The following SLC30A3 variants were observed in gnomAD, a reference collection of about 807,000 sequenced individuals.
The protein encoded by SLC30A3 is probable proton-coupled zinc antiporter SLC30A3.
SLC30A3 carries 20 observed loss-of-function variants against 35.6 expected under a neutral mutation model. The observed-to-expected ratio is 0.56, with a 90% CI of 0.39 to 0.82. The LOEUF is 0.82. Ranked by LOEUF, SLC30A3 falls within the 40% of genes least tolerant of loss-of-function variation. The pLI, the probability that SLC30A3 is intolerant of heterozygous loss-of-function variation, is 0.00. For missense variants in SLC30A3, 401 were observed against 530.6 expected (o/e 0.76, Z 2.40); for synonymous variants, 217 against 224.7 (o/e 0.97, Z 0.31).
At chr2:27,263,585 T>A, upstream of SLC30A3, 1 of 283,892 alleles carries the variant, frequency 3.5e-6, no homozygotes, top group Non-Finnish European at 7.3e-6. Flanking sequence ...TGCCAATCAC[T>A]GTACCGCGAA....
rs767531099 is a variant in SLC30A3, at chr2:27,256,775, G to A, written c.883+13C>T. On this transcript the variant is annotated intron_variant, in intron 6 of 7. Coordinates refer to ENST00000233535, the MANE Select transcript of SLC30A3 (RefSeq NM_003459.5). ...AGGGCCACAGGGATGGGGAGCTGTG[G>A]TGCCCGACTCACCTTCCATGAGGAT... The A allele has an allele frequency of 2.5e-6, 4 of 1,571,790 alleles. No homozygotes were observed. The highest frequency in any genetic ancestry group is 1.4e-5 in the African/African-American group (1 of 73,192).
chr2:27,275,239 G>C (rs969955449), exon 1 of SLC30A3: 1 of 1,303,528 alleles, frequency 7.7e-7, no homozygotes, highest in South Asian at 1.2e-5. Flanking sequence ...CCATCAAGAT[G>C]GGTGGTGCCC....
rs1676712194 is a variant in SLC30A3 at position 27,253,999 on chromosome 2, A to G, written c.*1313T>C. The G allele has an allele frequency of 6.6e-6, 1 of 152,188 alleles. No homozygotes were observed. Among genetic ancestry groups the G allele is most frequent in the Non-Finnish European group, 1.5e-5 (1 of 68,030 alleles). The allele number at this position is 152,188 out of a possible 1,614,324, so 9.4% of individuals were successfully genotyped here. ...ATTTTTTTTAAAGAGAAAATCAACA[A>G]TCCCTTAATGAGCCTGATTTTAAGA... On this transcript the variant is annotated 3_prime_UTR_variant, in exon 8 of 8. Transcript: ENST00000233535.
chr2:27,260,688 A>G (rs1320772511), intron 1 of SLC30A3, among the ~76,000 whole-genome samples: 1 of 152,224 alleles, frequency 6.6e-6, no homozygotes, highest in Admixed American at 6.5e-5. Context: ...CCTTCTGGCT[A>G]AAGACAATTC....
chr2:27,257,475 G>T lies in SLC30A3; in HGVS notation c.579-123C>A. 2 of 949,018 alleles carry T rather than the reference G, an allele frequency of 2.1e-6. No individual in the cohort carries two copies. Among genetic ancestry groups the T allele is most frequent in the African/African-American group, 1.7e-5 (1 of 60,412 alleles). The allele number at this position is 949,018 out of a possible 1,614,324, so 58.8% of individuals were successfully genotyped here. A position where few individuals can be genotyped will look rare whatever the true frequency, so the allele number is the denominator to read the frequency against. On this transcript the variant is annotated intron_variant, in intron 4 of 7. Coordinates refer to ENST00000233535, the MANE Select transcript of SLC30A3 (RefSeq NM_003459.5). The surrounding 1 kb of genome is among the most constrained non-coding windows in gnomAD (Gnocchi z 4.7). ...CCTGGAAGAAAACAGCATTTTGCAA[G>T]AGAGATAAACAATGCAGCCTGGGGG... is the stretch of plus-strand genomic sequence containing the variant.
intron 1 of SLC30A3, among the ~76,000 whole-genome samples, chr2:27,269,782 C>T (rs1405747892): frequency 1.3e-5 from 2 of 151,966 alleles, no homozygotes; most frequent in Non-Finnish European, 2.9e-5. Flanking sequence ...TGCTTGAACC[C>T]GGGAGGCAGA....
chr2:27,263,179 G>T, upstream of SLC30A3: 1 of 1,053,226 alleles, frequency 9.5e-7, no homozygotes, highest in Non-Finnish European at 1.2e-6. Flanking sequence ...CACTGCCAAA[G>T]CCCCATTTCC....
chr2:27,275,273 G>T (rs1308500969), exon 1 of SLC30A3: 35 of 1,245,366 alleles, frequency 2.8e-5, no homozygotes, highest in Non-Finnish European at 3.6e-5. Context: ...GAGGGGCTCG[G>T]TGGGAATCCC....
Position 27,255,143 on chromosome 2 carries a change from C to A in SLC30A3, c.*169G>T. ...ACTCCCCGCCACACTTTGGTCTTGC[C>A]CACTGGGGCTGGGGCTGGGGCTGAG... is the stretch of plus-strand genomic sequence containing the variant. On this transcript the variant is annotated 3_prime_UTR_variant, in exon 8 of 8. Coordinates refer to ENST00000233535, the MANE Select transcript of SLC30A3 (RefSeq NM_003459.5). This position sits in a 1 kb window ranked among gnomAD's most constrained non-coding sequence, Gnocchi z 5.2. 1 of 1,565,998 alleles carries A rather than the reference C, an allele frequency of 6.4e-7. No individual in the cohort carries two copies. The highest frequency in any genetic ancestry group is 1.1e-5 in the South Asian group (1 of 87,136).
rs1388803787 is a variant in SLC30A3, at chr2:27,256,175, G to A, written c.1018+211C>T. 6 of 604,450 alleles carry A rather than the reference G, an allele frequency of 9.9e-6. 1 individual carries two copies. The East Asian group carries it at 1.7e-4, about 17-fold the overall frequency. 37.4% of individuals were successfully genotyped at this position (604,450 alleles called of 1,614,324 possible). A position where few individuals can be genotyped will look rare whatever the true frequency, so the allele number is the denominator to read the frequency against. On this transcript the variant is annotated intron_variant, in intron 7 of 7. Transcript: ENST00000233535. ...AGGGTGAAACTGCCCCCAGAACACT[G>A]CATCCAGTGGATGGAGACTCCTTGT...
At position 27,257,897 on chromosome 2, in the gene SLC30A3, G is replaced by A. The variant is rs1676956870; in HGVS notation, c.578+8C>T. 1.9e-6 allele frequency: 3 copies of A among 1,612,326 alleles called. No individual in the cohort carries two copies. Among genetic ancestry groups the A allele is most frequent in the African/African-American group, 1.3e-5 (1 of 74,912 alleles). ...CCCACAAGGTGCCTGCTCCATACTG[G>A]GACGTACAACAGGTTGGCACAGACT... On this transcript the variant is annotated splice_region_variant and intron_variant, in intron 4 of 7. Transcript: ENST00000233535. The surrounding 1 kb of genome is among the most constrained non-coding windows in gnomAD (Gnocchi z 4.7).
upstream of SLC30A3, among the ~76,000 whole-genome samples, chr2:27,266,316 C>T (rs1677494425): frequency 6.6e-6 from 1 of 152,114 alleles, no homozygotes; most frequent in South Asian, 2.1e-4. Context: ...TCCAGGCTAC[C>T]ATAATCTGGT....
chr2:27,275,541 G>A (rs1218541116), upstream of SLC30A3: 1 of 323,862 alleles, frequency 3.1e-6, no homozygotes, highest in East Asian at 8.4e-5. Context: ...TGGCTTAAGA[G>A]AACGACTCCC....
chr2:27,259,448 G>A (rs574527102), intron 1 of SLC30A3, among the ~76,000 whole-genome samples: 89 of 151,828 alleles, frequency 5.9e-4, no homozygotes, highest in African/African-American at 1.9e-3. Context: ...AGCCGAGATC[G>A]TGCCACTGCA....
chr2:27,254,569 A>C lies in SLC30A3; in HGVS notation c.*743T>G, dbSNP rs1676729279. On this transcript the variant is annotated 3_prime_UTR_variant, in exon 8 of 8. Coordinates refer to ENST00000233535, the MANE Select transcript of SLC30A3 (RefSeq NM_003459.5). ...CTGAGGAGTCAGCACACAGGCTGAA[A>C]GATGCAGTGAGACACAAGTTTATTG... The C allele has an allele frequency of 6.5e-6, 1 of 154,964 alleles. No homozygotes were observed. The highest frequency in any genetic ancestry group is 2.4e-5 in the African/African-American group (1 of 41,450). 9.6% of individuals were successfully genotyped at this position (154,964 alleles called of 1,614,324 possible).
chr2:27,274,532 T>A lies in SLC30A3; in HGVS notation c.-159+645A>T, dbSNP rs368883482. On this transcript the variant is annotated intron_variant, in intron 1 of 5. Coordinates refer to the SLC30A3 transcript ENST00000424577. ...GCACTACAAAGTAGTAAATTATAAG[T>A]GATGCAAACACTACCTCCTGTAGAA... Among the ~76,000 whole-genome samples the A allele has an allele frequency of 4.5e-4, 68 of 152,224 alleles. 1 individual carries two copies. The South Asian group carries it at 0.013, about 29-fold the overall frequency.
upstream of SLC30A3, chr2:27,263,211 C>G: frequency 3.5e-6 from 3 of 848,328 alleles, no homozygotes; most frequent in Non-Finnish European, 3.2e-6. Flanking sequence ...CCCGGGAGCG[C>G]CCCGCCACCC....
rs1677283766 is a variant in SLC30A3 at position 27,262,805 on chromosome 2, G to A, written c.95+7C>T. ...CCGGGCCGAGGGCCAGCCCAGGTCT[G>A]TCCTACCTCTTCAAACGCAGGCTGC... On this transcript the variant is annotated splice_region_variant and intron_variant, in intron 1 of 7. Coordinates refer to ENST00000233535, the MANE Select transcript of SLC30A3 (RefSeq NM_003459.5). The surrounding 1 kb of genome is among the most constrained non-coding windows in gnomAD (Gnocchi z 7.5). 2 of 1,566,740 alleles carry A rather than the reference G, an allele frequency of 1.3e-6. No individual in the cohort carries two copies. The highest frequency in any genetic ancestry group is 1.7e-6 in the Non-Finnish European group (2 of 1,161,178).
At chr2:27,260,561 T>C (rs990417738) in intron 1 of SLC30A3, among the ~76,000 whole-genome samples, 1 of 152,074 alleles carries the variant, frequency 6.6e-6, no homozygotes, top group African/African-American at 2.4e-5. Context: ...AGGACCTGAA[T>C]AGAAAATACA....
Sources: gnomAD v4.1 joint callset for allele counts (sites outside exome capture counted in the v4.1 genomes callset) on GRCh38, gnomAD v4.1.1 for gene constraint, Gnocchi (gnomAD v3.1) non-coding constraint, MANE v1.5 for transcripts, NCBI Gene and HGNC (gene_info 2026-07-23, HGNC 2026-07-21) for gene names.